Variants in NR6A1 observed in about 807,000 individuals in gnomAD.
NR6A1 encodes nuclear receptor subfamily 6 group A member 1, also known as retinoic acid receptor-related testis-associated receptor.
NR6A1 carries 7 observed loss-of-function variants against 59.1 expected under a neutral mutation model. The ratio of observed to expected loss-of-function variants is 0.12; its 90% CI spans 0.07 to 0.22. The LOEUF (loss-of-function observed/expected upper bound fraction) is 0.22, where lower values mean the gene tolerates loss of function less well. Among genes scored for constraint, NR6A1 ranks in the 10% least tolerant of loss-of-function variants. The pLI, the probability that NR6A1 is intolerant of heterozygous loss-of-function variation, is 1.00. For synonymous variants in NR6A1, 243 were observed against 236.1 expected (o/e 1.03, Z -0.27); for missense variants, 468 against 611.6 (o/e 0.77, Z 2.48).
At chr9:124,545,561 C>T (rs1030125584) in intron 3 of NR6A1, among the ~76,000 whole-genome samples, 4 of 152,170 alleles carry the variant, frequency 2.6e-5, no homozygotes, top group African/African-American at 9.7e-5. Flanking sequence ...TTTACAATCG[C>T]TTCTCTGCTG....
intron 2 of NR6A1, among the ~76,000 whole-genome samples, chr9:124,707,159 C>T (rs1264600871): frequency 6.6e-6 from 1 of 152,158 alleles, no homozygotes; most frequent in African/African-American, 2.4e-5. Context: ...TGATGTCCCA[C>T]AGATCTCAGA....
intron 2 of NR6A1, among the ~76,000 whole-genome samples, chr9:124,565,242 C>A (rs1834205332): frequency 6.6e-6 from 1 of 152,040 alleles, no homozygotes; most frequent in Non-Finnish European, 1.5e-5. Context: ...TCCTGGCTAA[C>A]ACGGTGAAAC....
rs537186051 is a variant in NR6A1 at position 124,554,666 on chromosome 9, A to G, written c.143-96T>C. 2.8e-5 allele frequency: 43 copies of G among 1,510,940 alleles called. No homozygotes were observed. In the South Asian group the frequency reaches 4.5e-4, roughly 16 times the overall value. 93.6% of individuals were successfully genotyped at this position (1,510,940 alleles called of 1,614,324 possible). A position where few individuals can be genotyped will look rare whatever the true frequency, so the allele number is the denominator to read the frequency against. On this transcript the variant is annotated intron_variant, in intron 2 of 9. Coordinates refer to ENST00000487099, the MANE Select transcript of NR6A1 (RefSeq NM_033334.4). ...CTGCTCTGGGTAGATTAAGACCACCACTATCTCCAGGCTAAAGGGCAAACA... is the reference window on the plus strand; with the variant it reads ...CTGCTCTGGGTAGATTAAGACCACCGCTATCTCCAGGCTAAAGGGCAAACA...
intron 2 of NR6A1, among the ~76,000 whole-genome samples, chr9:124,708,853 A>C (rs1839203839): frequency 6.6e-6 from 1 of 152,162 alleles, no homozygotes; most frequent in Admixed American, 6.5e-5. Context: ...ACTATGATTA[A>C]GCCCATCAGC....
Position 124,540,114 on chromosome 9 carries a change from T to A in NR6A1, c.515A>T (p.His172Leu), listed in dbSNP as rs183366357. Residue 172 changes from histidine (H) to leucine (L), a missense_variant, in exon 5 of 10, where the codon CAT becomes CTT. His to Leu is a moderately conservative substitution (Grantham distance 99, BLOSUM62 -3). Around this residue, in one of 4 missense-constraint regions of NR6A1, gnomAD observed 151 missense variants for 142.8 expected, o/e 1.06. Transcript: ENST00000487099. ...FEEEANHWSN[H>L]GDSDHSSPGN... ...AGGGGAACTGTGGTCACTATCACCA[T>A]GGTTGCTCCAGTGATTGGCCTCTTC... 19 of 1,613,536 alleles carry A rather than the reference T, an allele frequency of 1.2e-5. No individual in the cohort carries two copies. The highest frequency in any genetic ancestry group is 1.5e-5 in the Non-Finnish European group (18 of 1,179,968).
chr9:124,682,449 T>G (rs1408455474), intron 2 of NR6A1, among the ~76,000 whole-genome samples: 1 of 152,174 alleles, frequency 6.6e-6, no homozygotes. Flanking sequence ...ACCCAAACAG[T>G]ATATTGTAAC....
intron 2 of NR6A1, among the ~76,000 whole-genome samples, chr9:124,583,419 C>G (rs1403578786): frequency 5.3e-5 from 8 of 152,294 alleles, no homozygotes; most frequent in Non-Finnish European, 1.2e-4. Flanking sequence ...AATCCCAGGA[C>G]AGTTTCTTGA....
At chr9:124,725,951 G>A (rs755555192) in intron 2 of NR6A1, among the ~76,000 whole-genome samples, 6 of 152,200 alleles carry the variant, frequency 3.9e-5, no homozygotes, top group Non-Finnish European at 7.3e-5. Flanking sequence ...CAGGCTTAAT[G>A]TAAATGAGAA....
At position 124,627,882 on chromosome 9, in the gene NR6A1, CTTTTTTTTTTTTTTTTTTTT is replaced by C. The variant is rs59874800; in HGVS notation, c.143-73332_143-73313del. 1.1e-3 allele frequency among the ~76,000 whole-genome samples: 89 copies of C among 83,784 alleles called. 2 individuals carry two copies. In the South Asian group the frequency reaches 0.044, roughly 41 times the overall value. 55.0% of individuals were successfully genotyped at this position (83,784 alleles called of 152,430 possible). On this transcript the variant is annotated intron_variant, in intron 2 of 9. Transcript: ENST00000487099. ...GCCACCATGCCTGGTCTGAGATTTTCTTTTTTTTTTTTTTTTTTTTTTTTTTTTCAAAACAAAGCAACAGA... is the reference window on the plus strand; with the variant it reads ...GCCACCATGCCTGGTCTGAGATTTTCTTTTTTTTCAAAACAAAGCAACAGA...
chr9:124,705,349 G>C (rs1839092635), intron 2 of NR6A1, among the ~76,000 whole-genome samples: 1 of 151,976 alleles, frequency 6.6e-6, no homozygotes, highest in African/African-American at 2.4e-5. Context: ...ATTTCTGTCA[G>C]TTTTTGCTTC....
At chr9:124,529,564 T>G (rs896310572) in intron 7 of NR6A1, among the ~76,000 whole-genome samples, 4 of 152,236 alleles carry the variant, frequency 2.6e-5, no homozygotes, top group African/African-American at 9.6e-5. Flanking sequence ...CTAGGTTTTC[T>G]AATTCCAAGC....
intron 2 of NR6A1, among the ~76,000 whole-genome samples, chr9:124,555,597 C>T (rs145812951): frequency 2.4e-4 from 37 of 152,272 alleles, no homozygotes; most frequent in African/African-American, 7.2e-4. Context: ...GCCTGAGCGA[C>T]GGCAAGACCA....
intron 2 of NR6A1, among the ~76,000 whole-genome samples, chr9:124,565,341 C>T (rs1445829443): frequency 6.6e-6 from 1 of 152,044 alleles, no homozygotes; most frequent in Admixed American, 6.6e-5. Flanking sequence ...GCATGAGAAT[C>T]GCTTGAACTC....
At position 124,764,082 on chromosome 9, in the gene NR6A1, G is replaced by A. The variant is rs553328992; in HGVS notation, c.100+6938C>T. Among the ~76,000 whole-genome samples, 4 of 151,992 alleles carry A rather than the reference G, an allele frequency of 2.6e-5. No homozygotes were observed. The South Asian group carries it at 8.3e-4, about 32-fold the overall frequency. ...GCCTGTAATCCCAGCTACTCAGGAG[G>A]CTGAGGCAGGAGAATCGCTTGAACC... On this transcript the variant is annotated intron_variant, in intron 1 of 9. Transcript: ENST00000487099.
rs1293311029 is a variant in NR6A1, at chr9:124,599,982, C to CT, written c.143-45413dup. Among the ~76,000 whole-genome samples, 5 of 152,210 alleles carry CT rather than the reference C, an allele frequency of 3.3e-5. No homozygotes were observed. In the South Asian group the frequency reaches 1.0e-3, roughly 32 times the overall value. On this transcript the variant is annotated intron_variant, in intron 2 of 9. Transcript: ENST00000487099. ...TGAGGCTGAAGGGGTAAGTTTAGTTCTTCAGTGTAAAACAAAAGACAGCAA... is the reference window on the plus strand; with the variant it reads ...TGAGGCTGAAGGGGTAAGTTTAGTTCTTTCAGTGTAAAACAAAAGACAGCAA...
chr9:124,592,480 C>T (rs1835156751), intron 2 of NR6A1, among the ~76,000 whole-genome samples: 2 of 152,060 alleles, frequency 1.3e-5, no homozygotes, highest in Admixed American at 6.6e-5. Flanking sequence ...GTACTGTTTG[C>T]GGTGATTAAA....
intron 2 of NR6A1, among the ~76,000 whole-genome samples, chr9:124,597,806 C>T (rs1235580762): frequency 6.6e-6 from 1 of 152,190 alleles, no homozygotes; most frequent in African/African-American, 2.4e-5. Flanking sequence ...ACAGACACCA[C>T]ACTGCCCATG....
At chr9:124,644,702 A>G (rs1484124743) in intron 2 of NR6A1, among the ~76,000 whole-genome samples, 1 of 152,154 alleles carries the variant, frequency 6.6e-6, no homozygotes, top group African/African-American at 2.4e-5. Flanking sequence ...TCCAGCCCCT[A>G]CTGGTCTCTA....
At position 124,526,833 on chromosome 9, in the gene NR6A1, T is replaced by C; in HGVS notation, c.1147A>G (p.Lys383Glu). ...CAAGCATACTCCTCGTTGCTGACCT[T>C]TAGCTGATGGAACTTGTGATAGAGG... ...IYLYHKFHQL[K>E]VSNEEYACMK... The change falls in exon 8 of 10, where the codon AAG (lysine) becomes GAG (glutamate). Residue 383 changes from lysine (K) to glutamate (E), a missense_variant. Physicochemically the swap from Lys to Glu is moderately conservative, Grantham distance 56 (BLOSUM62 1). Around this residue, in one of 4 missense-constraint regions of NR6A1, gnomAD observed 176 missense variants for 264.0 expected, o/e 0.67. Coordinates refer to ENST00000487099, the MANE Select transcript of NR6A1 (RefSeq NM_033334.4). 6.2e-7 allele frequency: 1 copy of C among 1,614,142 alleles called. No homozygotes were observed. Among genetic ancestry groups the C allele is most frequent in the Non-Finnish European group, 8.5e-7 (1 of 1,179,978 alleles).
Sources: allele counts gnomAD v4.1 joint callset (sites outside exome capture counted in the v4.1 genomes callset), GRCh38; gene constraint gnomAD v4.1.1; regional missense constraint gnomAD v4.1.1; transcripts MANE v1.5; gene names NCBI Gene and HGNC (gene_info 2026-07-23, HGNC 2026-07-21).